The following PDS5B variants were observed in gnomAD, a reference collection of about 807,000 sequenced individuals.
The protein encoded by PDS5B is PDS5 cohesin associated factor B.
A neutral mutation model predicts 184.1 loss-of-function variants in PDS5B; 51 were observed. The observed-to-expected ratio is 0.28, with a 90% CI of 0.22 to 0.35. The LOEUF (loss-of-function observed/expected upper bound fraction) is 0.35, where lower values mean the gene tolerates loss of function less well. Among genes scored for constraint, PDS5B ranks in the 10% least tolerant of loss-of-function variants. The pLI is 1.00. For missense variants in PDS5B, 1,180 were observed against 1,723.3 expected (o/e 0.68, Z 5.58); for synonymous variants, 566 against 569.2 (o/e 0.99, Z 0.08).
At chr13:32,640,740 T>C (rs1039167370) in intron 1 of PDS5B, among the ~76,000 whole-genome samples, 4 of 151,428 alleles carry the variant, frequency 2.6e-5, no homozygotes, top group Non-Finnish European at 5.9e-5. Context: ...TTATATTTTT[T>C]AAATGGAGAA....
At chr13:32,599,559 C>G (rs1215436703) in intron 1 of PDS5B, among the ~76,000 whole-genome samples, 2 of 151,974 alleles carry the variant, frequency 1.3e-5, no homozygotes, top group African/African-American at 4.8e-5. Context: ...ATTACCACAC[C>G]TGGCCTATTT....
At chr13:32,702,019 T>G (rs1455387683) in intron 17 of PDS5B, among the ~76,000 whole-genome samples, 1 of 152,090 alleles carries the variant, frequency 6.6e-6, no homozygotes, top group East Asian at 1.9e-4. Flanking sequence ...TTTTTATTTT[T>G]AAACTTTCCC....
chr13:32,712,380 T>A (rs1417451561), intron 19 of PDS5B, among the ~76,000 whole-genome samples: 1 of 152,220 alleles, frequency 6.6e-6, no homozygotes, highest in East Asian at 1.9e-4. Flanking sequence ...CACACTGTTG[T>A]TGATGAAATA....
chr13:32,680,874 C>G (rs1181651882), intron 10 of PDS5B, among the ~76,000 whole-genome samples: 1 of 152,150 alleles, frequency 6.6e-6, no homozygotes, highest in African/African-American at 2.4e-5. Context: ...ATATTTAAAT[C>G]ATGTTTTTCA....
At chr13:32,714,463 G>A (rs1361535239) in intron 19 of PDS5B, among the ~76,000 whole-genome samples, 1 of 152,198 alleles carries the variant, frequency 6.6e-6, no homozygotes, top group Non-Finnish European at 1.5e-5. Context: ...TTATTAGGCA[G>A]GAATTTCCTC....
intron 6 of PDS5B, among the ~76,000 whole-genome samples, chr13:32,664,741 T>C (rs1950740179): frequency 6.6e-6 from 1 of 151,802 alleles, no homozygotes; most frequent in African/African-American, 2.4e-5. Context: ...GTAGTCCCAG[T>C]GACTTGGGAG....
chr13:32,651,987 A>G lies in PDS5B; in HGVS notation c.292A>G (p.Thr98Ala). 1.9e-6 allele frequency: 3 copies of G among 1,612,190 alleles called. No homozygotes were observed. The highest frequency in any genetic ancestry group is 2.5e-6 in the Non-Finnish European group (3 of 1,178,328). ...GATTTATGCTCCTGAAGCTCCTTAC[A>G]CATCCCCTGATAAACTAAAGGCAAG... ...FRIYAPEAPY[T>A]SPDKLKDIFM... Residue 98 changes from threonine (T) to alanine (A), a missense_variant, in exon 3 of 35, where the codon ACA becomes GCA. Transcript: ENST00000315596.
At chr13:32,670,132 T>A (rs1488136267) in intron 7 of PDS5B, among the ~76,000 whole-genome samples, 215 of 57,144 alleles carry the variant, frequency 3.8e-3, no homozygotes, top group African/African-American at 0.01. Flanking sequence ...AGACACATTC[T>A]TTTTTTTTTT....
At chr13:32,707,999 A>G (rs1952079744) in intron 18 of PDS5B, among the ~76,000 whole-genome samples, 1 of 152,054 alleles carries the variant, frequency 6.6e-6, no homozygotes, top group Non-Finnish European at 1.5e-5. Flanking sequence ...TGCTATGGCA[A>G]TACCCCGGAG....
chr13:32,637,117 G>T (rs1017373863), intron 1 of PDS5B, among the ~76,000 whole-genome samples: 2 of 152,192 alleles, frequency 1.3e-5, no homozygotes, highest in Non-Finnish European at 2.9e-5. Context: ...TCTAAGTAAG[G>T]CAGTGATATG....
chr13:32,743,151 T>C (rs960862170), intron 23 of PDS5B, among the ~76,000 whole-genome samples: 4 of 152,022 alleles, frequency 2.6e-5, no homozygotes, highest in Non-Finnish European at 5.9e-5. Context: ...GAGCACACTT[T>C]TTTGGTTTTT....
intron 2 of PDS5B, among the ~76,000 whole-genome samples, chr13:32,650,943 C>T (rs908812748): frequency 6.6e-6 from 1 of 152,186 alleles, no homozygotes; most frequent in African/African-American, 2.4e-5. Flanking sequence ...CTAGTGGATG[C>T]TGGATGGTCA....
chr13:32,602,688 G>C (rs1201157368), intron 1 of PDS5B, among the ~76,000 whole-genome samples: 1 of 152,110 alleles, frequency 6.6e-6, no homozygotes, highest in Non-Finnish European at 1.5e-5. Flanking sequence ...TTCCACAATG[G>C]TTGAACTAGT....
chr13:32,626,015 T>G (rs907635625), intron 1 of PDS5B, among the ~76,000 whole-genome samples: 32 of 151,996 alleles, frequency 2.1e-4, no homozygotes, highest in African/African-American at 7.7e-4. Context: ...AATTTTTGTG[T>G]TTTTAGTAGG....
At chr13:32,768,161 A>G (rs1005025305) in intron 31 of PDS5B, among the ~76,000 whole-genome samples, 5 of 152,336 alleles carry the variant, frequency 3.3e-5, no homozygotes, top group South Asian at 2.1e-4. Context: ...CAACAGAACT[A>G]TATTTTCTTA....
At chr13:32,620,656 C>CAAA (rs376008300) in intron 1 of PDS5B, among the ~76,000 whole-genome samples, 1 of 92,362 alleles carries the variant, frequency 1.1e-5, no homozygotes, top group Non-Finnish European at 2.1e-5. Flanking sequence ...GACTCCGTCT[C>CAAA]AAAAAAAAAA....
At chr13:32,621,574 T>C (rs548050860) in intron 1 of PDS5B, among the ~76,000 whole-genome samples, 2 of 152,258 alleles carry the variant, frequency 1.3e-5, no homozygotes, top group Non-Finnish European at 2.9e-5. Context: ...TCATCAAGCC[T>C]GATGTTTCTT....
At chr13:32,608,894 A>G (rs1016955668) in intron 1 of PDS5B, among the ~76,000 whole-genome samples, 1 of 152,188 alleles carries the variant, frequency 6.6e-6, no homozygotes, top group African/African-American at 2.4e-5. Context: ...TGCTTATCTT[A>G]TGTTGACCTA....
At chr13:32,756,696 A>C (rs959456722) in intron 26 of PDS5B, among the ~76,000 whole-genome samples, 9 of 152,188 alleles carry the variant, frequency 5.9e-5, no homozygotes, top group African/African-American at 2.2e-4. Flanking sequence ...TTAATGTCTT[A>C]ATTTTTAGAA....
Sources: allele counts gnomAD v4.1 joint callset (sites outside exome capture counted in the v4.1 genomes callset), GRCh38; gene constraint gnomAD v4.1.1; transcripts MANE v1.5; gene names NCBI Gene and HGNC (gene_info 2026-07-23, HGNC 2026-07-21).